DSCAM: variants seen among roughly 807,000 people sequenced by gnomAD.
The protein encoded by DSCAM is cell adhesion molecule DSCAM.
Under a neutral mutation model 217.7 loss-of-function variants are expected in DSCAM, and 47 were observed. That is an observed-to-expected ratio of 0.22 (90% CI 0.17 to 0.28). The LOEUF is 0.28. DSCAM is among the 10% of genes least tolerant of loss of function. The probability of loss-of-function intolerance (pLI) is 1.00; values close to 1 mark genes in which losing one functional copy is unlikely to be tolerated. For missense variants in DSCAM, 2,080 were observed against 2,618.3 expected (o/e 0.79, Z 4.49); for synonymous variants, 1,056 against 1,015.3 (o/e 1.04, Z -0.76).
intron 1 of DSCAM, among the ~76,000 whole-genome samples, chr21:40,803,494 C>G (rs1039467211): frequency 6.6e-6 from 1 of 152,150 alleles, no homozygotes; most frequent in African/African-American, 2.4e-5. Flanking sequence ...TAGGTCTGAT[C>G]AATCGTGTGA....
At chr21:40,292,234 T>C (rs2073902300) in intron 10 of DSCAM, among the ~76,000 whole-genome samples, 1 of 136,718 alleles carries the variant, frequency 7.3e-6, no homozygotes, top group Non-Finnish European at 1.5e-5. Flanking sequence ...ATTTCTACAA[T>C]AGCTACCTTT....
At chr21:40,523,826 CCT>C (rs1217844947) in intron 3 of DSCAM, among the ~76,000 whole-genome samples, 3 of 152,040 alleles carry the variant, frequency 2.0e-5, no homozygotes, top group African/African-American at 7.2e-5. Context: ...CACACTGGGG[CCT>C]CAGGAGCTGT....
At position 40,637,604 on chromosome 21, in the gene DSCAM, T is replaced by TC. The variant is rs2089815528; in HGVS notation, c.508+55205_508+55206insG. Among the ~76,000 whole-genome samples the TC allele has an allele frequency of 2.2e-4, 9 of 41,408 alleles. 1 individual carries two copies. In the East Asian group the frequency reaches 6.1e-3, roughly 28 times the overall value. The allele number at this position is 41,408 out of a possible 152,430, so 27.2% of individuals were successfully genotyped here. ...ATATATACATATATAAATATATATA[T>TC]AAATATATATAAATATATACATATA... On this transcript the variant is annotated intron_variant, in intron 3 of 32. Transcript: ENST00000400454.
At chr21:40,785,797 C>T (rs1258288683) in intron 1 of DSCAM, among the ~76,000 whole-genome samples, 1 of 152,240 alleles carries the variant, frequency 6.6e-6, no homozygotes, top group Non-Finnish European at 1.5e-5. Context: ...TCTGCCTCCT[C>T]AGAGAATTTA....
intron 3 of DSCAM, among the ~76,000 whole-genome samples, chr21:40,441,564 T>C (rs1457569758): frequency 2.6e-5 from 4 of 152,314 alleles, no homozygotes; most frequent in Middle Eastern, 6.8e-3. Flanking sequence ...ACCCTTCAAA[T>C]TGGCTACCTC....
At chr21:40,788,141 G>T (rs2091609776) in intron 1 of DSCAM, among the ~76,000 whole-genome samples, 1 of 152,120 alleles carries the variant, frequency 6.6e-6, no homozygotes, top group African/African-American at 2.4e-5. Context: ...TAAACTAAAT[G>T]CATTTAGTTC....
At chr21:40,625,441 T>A (rs532329838) in intron 3 of DSCAM, among the ~76,000 whole-genome samples, 9 of 152,166 alleles carry the variant, frequency 5.9e-5, no homozygotes, top group Non-Finnish European at 1.0e-4. Flanking sequence ...GTCTCCTTTT[T>A]CACTCCCTGA....
intron 1 of DSCAM, among the ~76,000 whole-genome samples, chr21:40,735,582 G>T (rs1016519597): frequency 5.3e-5 from 8 of 152,188 alleles, no homozygotes; most frequent in Admixed American, 1.3e-4. Flanking sequence ...TGTGCTAAGA[G>T]ATTTGAAATG....
Position 40,427,121 on chromosome 21 carries a change from G to A in DSCAM, c.509-57876C>T, listed in dbSNP as rs2075482022. On this transcript the variant is annotated intron_variant, in intron 3 of 32. Coordinates refer to ENST00000400454, the MANE Select transcript of DSCAM (RefSeq NM_001389.5). ...CTGCAATGAGCCTTGAAGACAGCGA[G>A]CAGGGCATACAGGAGAGGGGCCTAG... 2.0e-5 allele frequency among the ~76,000 whole-genome samples: 3 copies of A among 152,338 alleles called. 1 individual carries two copies. In the South Asian group the frequency reaches 6.2e-4, roughly 32 times the overall value.
At chr21:40,019,732 G>A (rs3859701) in intron 32 of DSCAM, among the ~76,000 whole-genome samples, 15,545 of 152,156 alleles carry the variant, frequency 0.1, 950 homozygotes, top group Non-Finnish European at 0.14. Context: ...AAATGCCCTC[G>A]GCATCCCTGT....
At chr21:40,293,610 C>A (rs1041925575) in intron 10 of DSCAM, among the ~76,000 whole-genome samples, 1 of 152,088 alleles carries the variant, frequency 6.6e-6, no homozygotes, top group South Asian at 2.1e-4. Flanking sequence ...TAAAAAGTCA[C>A]GGAGTTCAAG....
At chr21:40,487,625 T>C (rs144729701) in intron 3 of DSCAM, among the ~76,000 whole-genome samples, 98 of 151,994 alleles carry the variant, frequency 6.4e-4, no homozygotes, top group African/African-American at 2.3e-3. Context: ...AACTGCAGGG[T>C]GGGGAATCCA....
intron 11 of DSCAM, among the ~76,000 whole-genome samples, chr21:40,201,159 C>T (rs2146856382): frequency 6.6e-6 from 1 of 152,266 alleles, no homozygotes; most frequent in East Asian, 1.9e-4. Context: ...ATCTCCACTT[C>T]CTGGCAGCTT....
intron 1 of DSCAM, among the ~76,000 whole-genome samples, chr21:40,814,897 A>T (rs2091868126): frequency 6.6e-6 from 1 of 152,234 alleles, no homozygotes; most frequent in Non-Finnish European, 1.5e-5. Context: ...TTGTATTCTT[A>T]TTCATGAAAA....
chr21:40,368,126 T>C (rs2046205930), intron 4 of DSCAM, among the ~76,000 whole-genome samples: 1 of 152,292 alleles, frequency 6.6e-6, no homozygotes, highest in East Asian at 1.9e-4. Flanking sequence ...TATTTACTAA[T>C]TTTGCGAATC....
At chr21:40,780,790 T>C (rs1178099916) in intron 1 of DSCAM, among the ~76,000 whole-genome samples, 1 of 152,032 alleles carries the variant, frequency 6.6e-6, no homozygotes, top group East Asian at 1.9e-4. Flanking sequence ...GAAATCCAGC[T>C]TCCAGGTTTG....
intron 3 of DSCAM, among the ~76,000 whole-genome samples, chr21:40,500,066 G>A (rs569323182): frequency 4.6e-5 from 7 of 152,202 alleles, no homozygotes; most frequent in South Asian, 2.1e-4. Context: ...GGCGTCAGGC[G>A]TGAGCCACTG....
chr21:40,585,657 A>T (rs910422676), intron 3 of DSCAM, among the ~76,000 whole-genome samples: 3 of 152,100 alleles, frequency 2.0e-5, no homozygotes, highest in African/African-American at 7.2e-5. Context: ...TGGCCTCACC[A>T]AGTTGTAGGT....
chr21:40,650,478 G>C (rs1480677152), intron 3 of DSCAM, among the ~76,000 whole-genome samples: 2 of 152,228 alleles, frequency 1.3e-5, no homozygotes, highest in African/African-American at 4.8e-5. Flanking sequence ...ATTTGAATCA[G>C]TGAACTGAGT....
Sources: allele counts gnomAD v4.1 joint callset (sites outside exome capture counted in the v4.1 genomes callset), GRCh38; gene constraint gnomAD v4.1.1; transcripts MANE v1.5; gene names NCBI Gene and HGNC (gene_info 2026-07-23, HGNC 2026-07-21).